TRPC4: variants seen among roughly 807,000 people sequenced by gnomAD.
TRPC4 encodes the protein short transient receptor potential channel 4.
Under a neutral mutation model 99.4 loss-of-function variants are expected in TRPC4, and 49 were observed. The observed-to-expected ratio is 0.49, with a 90% CI of 0.39 to 0.63. The LOEUF (loss-of-function observed/expected upper bound fraction) is 0.63. Ranked by LOEUF, TRPC4 falls within the 20% of genes least tolerant of loss-of-function variation. TRPC4 has a pLI of 0.00. For missense variants in TRPC4, 898 were observed against 1,152.9 expected (o/e 0.78, Z 3.20); for synonymous variants, 454 against 425.9 (o/e 1.07, Z -0.81).
intron 3 of TRPC4, among the ~76,000 whole-genome samples, chr13:37,708,593 G>T (rs1236239392): frequency 6.6e-6 from 1 of 151,518 alleles, no homozygotes; most frequent in Non-Finnish European, 1.5e-5. Flanking sequence ...AGTCACAATA[G>T]GGAATGTTTT....
chr13:37,667,904 T>G (rs1345153110), intron 5 of TRPC4, among the ~76,000 whole-genome samples: 1 of 152,250 alleles, frequency 6.6e-6, no homozygotes, highest in African/African-American at 2.4e-5. Context: ...CCAATTATTT[T>G]GTTATTCATT....
At chr13:37,716,993 C>A (rs1593577562) in intron 3 of TRPC4, among the ~76,000 whole-genome samples, 1 of 152,032 alleles carries the variant, frequency 6.6e-6, no homozygotes, top group Non-Finnish European at 1.5e-5. Context: ...CAAACGCACA[C>A]TCTTTGATCT....
intron 1 of TRPC4, among the ~76,000 whole-genome samples, chr13:37,850,498 G>A (rs767155605): frequency 2.6e-5 from 4 of 152,094 alleles, no homozygotes; most frequent in Non-Finnish European, 5.9e-5. Flanking sequence ...AAAAGCACTG[G>A]CTAAAGATTC....
chr13:37,848,551 A>T (rs1383456568), intron 1 of TRPC4, among the ~76,000 whole-genome samples: 1 of 152,144 alleles, frequency 6.6e-6, no homozygotes, highest in Non-Finnish European at 1.5e-5. Flanking sequence ...TTGCAGACAG[A>T]AGTGAGCTTG....
intron 5 of TRPC4, among the ~76,000 whole-genome samples, chr13:37,665,588 C>T (rs1356125725): frequency 6.6e-6 from 1 of 152,008 alleles, no homozygotes; most frequent in African/African-American, 2.4e-5. Context: ...GAGATTAACA[C>T]AAAGTGGGGT....
intron 2 of TRPC4, among the ~76,000 whole-genome samples, chr13:37,762,796 A>G (rs1212951823): frequency 6.7e-6 from 1 of 150,262 alleles, no homozygotes; most frequent in East Asian, 2.0e-4. Context: ...GCAGCACACC[A>G]GCATGGCACA....
intron 2 of TRPC4, 112 bp from the exon 3 acceptor site, chr13:37,746,567 G>GTTT: frequency 7.1e-6 from 6 of 850,196 alleles, no homozygotes; most frequent in Non-Finnish European, 9.6e-6. Context: ...CCTTGGCCGG[G>GTTT]TTTTTTTTTT....
At chr13:37,859,539 T>C (rs139048831) in intron 1 of TRPC4, among the ~76,000 whole-genome samples, 1 of 151,652 alleles carries the variant, frequency 6.6e-6, no homozygotes, top group East Asian at 1.9e-4. Flanking sequence ...GACTCACAGC[T>C]GACTTTTCAA....
intron 5 of TRPC4, among the ~76,000 whole-genome samples, chr13:37,668,188 C>T (rs1952712083): frequency 6.6e-6 from 1 of 152,178 alleles, no homozygotes; most frequent in Non-Finnish European, 1.5e-5. Context: ...TCCTGTATTC[C>T]TCCTTCTCTC....
chr13:37,713,254 A>G (rs2138994902), intron 3 of TRPC4, among the ~76,000 whole-genome samples: 1 of 152,272 alleles, frequency 6.6e-6, no homozygotes, highest in East Asian at 1.9e-4. Flanking sequence ...TTATATAACT[A>G]CAATTCCAAG....
intron 3 of TRPC4, among the ~76,000 whole-genome samples, chr13:37,697,385 G>A (rs1386784147): frequency 6.6e-6 from 1 of 152,198 alleles, no homozygotes; most frequent in African/African-American, 2.4e-5. Context: ...TTTAAGAAAG[G>A]AAGTGGAATT....
At chr13:37,828,635 T>C (rs1958321049) in intron 1 of TRPC4, among the ~76,000 whole-genome samples, 1 of 152,234 alleles carries the variant, frequency 6.6e-6, no homozygotes, top group Non-Finnish European at 1.5e-5. Context: ...ATATTCACCA[T>C]GGAATACTAC....
intron 3 of TRPC4, among the ~76,000 whole-genome samples, chr13:37,712,272 C>T (rs1248499325): frequency 6.6e-6 from 1 of 152,070 alleles, no homozygotes; most frequent in African/African-American, 2.4e-5. Context: ...TCACTATTAC[C>T]CAATGCTACA....
At chr13:37,741,823 A>T (rs1394280807) in intron 3 of TRPC4, among the ~76,000 whole-genome samples, 1 of 151,952 alleles carries the variant, frequency 6.6e-6, no homozygotes, top group Non-Finnish European at 1.5e-5. Context: ...ATATGGTGTG[A>T]TGGTTAGAGC....
At chr13:37,796,371 G>A (rs748248530) in intron 1 of TRPC4, among the ~76,000 whole-genome samples, 2 of 152,134 alleles carry the variant, frequency 1.3e-5, no homozygotes, top group Non-Finnish European at 2.9e-5. Flanking sequence ...TTTATTTGAC[G>A]AAGGTCATGT....
intron 1 of TRPC4, among the ~76,000 whole-genome samples, chr13:37,796,946 A>AAATAAAATAAAATAAAAT (rs1957263713): frequency 7.3e-6 from 1 of 137,832 alleles, no homozygotes; most frequent in African/African-American, 2.6e-5. Context: ...AAATAAAATA[A>AAATAAAATAAAATAAAAT]AATAAAATAA....
chr13:37,801,219 A>G (rs1051563241), intron 1 of TRPC4, among the ~76,000 whole-genome samples: 3 of 152,186 alleles, frequency 2.0e-5, no homozygotes, highest in Non-Finnish European at 2.9e-5. Flanking sequence ...TAAGGAAGAT[A>G]ATTTCATTAT....
chr13:37,860,877 G>A (rs145379512), intron 1 of TRPC4, among the ~76,000 whole-genome samples: 150 of 151,414 alleles, frequency 9.9e-4, no homozygotes, highest in African/African-American at 3.4e-3. Context: ...TATGTGAAAC[G>A]CTTTGAGCAG....
At chr13:37,697,676 T>C (rs1483377002) in intron 3 of TRPC4, among the ~76,000 whole-genome samples, 1 of 152,044 alleles carries the variant, frequency 6.6e-6, no homozygotes, top group African/African-American at 2.4e-5. Flanking sequence ...GTGGGCTGAG[T>C]CCAGTAACAT....
Sources: allele counts gnomAD v4.1 joint callset (sites outside exome capture counted in the v4.1 genomes callset), GRCh38; gene constraint gnomAD v4.1.1; transcripts MANE v1.5; gene names NCBI Gene and HGNC (gene_info 2026-07-23, HGNC 2026-07-21).